Variants in NLRP13 observed in about 807,000 individuals in gnomAD.
NLRP13 encodes the protein NACHT, LRR and PYD domains-containing protein 13.
Under a neutral mutation model 94.4 loss-of-function variants are expected in NLRP13, and 82 were observed. That is an observed-to-expected ratio of 0.87 (90% CI 0.73 to 1.04). The LOEUF (loss-of-function observed/expected upper bound fraction) is 1.04. Among genes scored for constraint, NLRP13 ranks in the 50% least tolerant of loss-of-function variants. The probability of loss-of-function intolerance (pLI) is 0.00; values close to 1 mark genes in which losing one functional copy is unlikely to be tolerated. For synonymous variants in NLRP13, 553 were observed against 464.7 expected (o/e 1.19, Z -2.45); for missense variants, 1,426 against 1,230.8 (o/e 1.16, Z -2.37).
intron 4 of NLRP13, among the ~76,000 whole-genome samples, chr19:55,917,859 G>C (rs1986711051): frequency 6.6e-6 from 1 of 152,002 alleles, no homozygotes; most frequent in South Asian, 2.1e-4. Flanking sequence ...AGATCATCAA[G>C]ACAGAAAATC....
chr19:55,903,131 T>C (rs1267403316), intron 8 of NLRP13, among the ~76,000 whole-genome samples: 1 of 152,080 alleles, frequency 6.6e-6, no homozygotes, highest in Admixed American at 6.6e-5. Context: ...AGGGTTGTAA[T>C]ACTAATTATA....
chr19:55,895,915 T>C (rs773744534), downstream of NLRP13: 9 of 1,607,106 alleles, frequency 5.6e-6, no homozygotes, highest in East Asian at 2.0e-4. Context: ...TGTCCCTGTA[T>C]GTTCTCCCCT....
At chr19:55,893,325 G>A (rs757130505), downstream of NLRP13, among the ~76,000 whole-genome samples, 3 of 151,762 alleles carry the variant, frequency 2.0e-5, no homozygotes, top group Admixed American at 2.0e-4. Context: ...GAGGCGGAGG[G>A]TGCGGTGAGC....
intron 4 of NLRP13, among the ~76,000 whole-genome samples, chr19:55,914,393 T>A (rs1986627327): frequency 6.6e-6 from 1 of 152,126 alleles, no homozygotes; most frequent in Non-Finnish European, 1.5e-5. Flanking sequence ...TTTTTAGAAC[T>A]CCAGGTTTTA....
intron 7 of NLRP13, among the ~76,000 whole-genome samples, chr19:55,906,796 T>C (rs1986366263): frequency 6.6e-6 from 1 of 151,938 alleles, no homozygotes; most frequent in Admixed American, 6.6e-5. Flanking sequence ...TTCTCCCTCT[T>C]CCCCATCCCT....
downstream of NLRP13, among the ~76,000 whole-genome samples, chr19:55,894,680 T>C (rs575956919): frequency 4.4e-4 from 67 of 152,344 alleles, no homozygotes; most frequent in Admixed American, 3.7e-3. Context: ...ATTGCTTTTA[T>C]GTCTCAGACC....
chr19:55,921,620 C>T (rs537039169), intron 4 of NLRP13, among the ~76,000 whole-genome samples: 1 of 152,084 alleles, frequency 6.6e-6, no homozygotes, highest in Non-Finnish European at 1.5e-5. Context: ...ATAAATATTA[C>T]CTGTTATGAT....
chr19:55,910,851 TG>T, intron 5 of NLRP13, 118 bp from the exon 6 acceptor site: 1 of 947,886 alleles, frequency 1.1e-6, no homozygotes, highest in Non-Finnish European at 1.5e-6. Flanking sequence ...TTTCCTAATG[TG>T]GCTGGGTGCA....
chr19:55,898,257 T>A (rs1337609501), intron 10 of NLRP13, among the ~76,000 whole-genome samples: 1 of 146,582 alleles, frequency 6.8e-6, no homozygotes, highest in African/African-American at 2.5e-5. Context: ...TCTCCCAGGC[T>A]GGAGTGCAAT....
chr19:55,916,407 A>G (rs1986675548), intron 4 of NLRP13, among the ~76,000 whole-genome samples: 1 of 152,230 alleles, frequency 6.6e-6, no homozygotes, highest in Admixed American at 6.5e-5. Context: ...TAAATAATTT[A>G]AAATATTGAT....
chr19:55,904,304 G>A (rs1456570394), intron 8 of NLRP13, among the ~76,000 whole-genome samples: 1 of 152,036 alleles, frequency 6.6e-6, no homozygotes, highest in African/African-American at 2.4e-5. Context: ...GGTCAGGCTG[G>A]TCTCAAAATT....
At chr19:55,918,277 C>A (rs1206447555) in intron 4 of NLRP13, among the ~76,000 whole-genome samples, 3 of 142,936 alleles carry the variant, frequency 2.1e-5, no homozygotes, top group Non-Finnish European at 4.5e-5. Context: ...AAGTTTATAG[C>A]ATTAAATGCT....
At chr19:55,930,898 A>ATATATGTATATATATATATGT in intron 1 of NLRP13, among the ~76,000 whole-genome samples, 1 of 104,896 alleles carries the variant, frequency 9.5e-6, no homozygotes, top group Admixed American at 1.1e-4. Flanking sequence ...ATATATATAT[A>ATATATGTATATATATATATGT]AAATTTTAAC....
At chr19:55,921,188 G>C (rs1046282152) in intron 4 of NLRP13, among the ~76,000 whole-genome samples, 1 of 152,098 alleles carries the variant, frequency 6.6e-6, no homozygotes, top group Non-Finnish European at 1.5e-5. Context: ...TCAGGTGATG[G>C]CTCCACCAAA....
intron 1 of NLRP13, among the ~76,000 whole-genome samples, chr19:55,931,639 G>A (rs1400264223): frequency 2.7e-5 from 4 of 149,242 alleles, no homozygotes; most frequent in Admixed American, 2.0e-4. Context: ...AACCTGGGAG[G>A]CAGAGGTTAC....
chr19:55,920,835 A>G (rs1568444421), intron 4 of NLRP13, among the ~76,000 whole-genome samples: 1 of 152,182 alleles, frequency 6.6e-6, no homozygotes, highest in Non-Finnish European at 1.5e-5. Context: ...AGTAGCAAAG[A>G]TACGCAATCA....
intron 3 of NLRP13, 99 bp downstream of exon 3, chr19:55,924,491 A>G: frequency 1.2e-6 from 1 of 844,962 alleles, no homozygotes. Context: ...TTTATGTACC[A>G]TAAATTCAAG....
At chr19:55,899,035 C>T (rs1402631805) in intron 9 of NLRP13, 98 bp from the exon 10 acceptor site, 14 of 1,304,420 alleles carry the variant, frequency 1.1e-5, no homozygotes, top group Middle Eastern at 2.0e-4. Context: ...AAAGGAGACA[C>T]CCTGAAGCCA....
In NLRP13 at chr19:55,898,811, C is replaced by T; in HGVS notation, c.2916G>A (p.Leu972=). 1 of 1,613,496 alleles carries T rather than the reference C, an allele frequency of 6.2e-7. No individual in the cohort carries two copies. The change falls in exon 10 of 11, where the codon CTG becomes CTA. Residue 972 remains leucine, a synonymous_variant. Transcript: ENST00000342929. ...CACGATGTGGTTTCAGAGCCTCACA[C>T]AGTAGCTTCACTCCATCATCCTGAA... ...NDLQDDGVKL[L]CEALKPHRAL... is the part of the protein sequence containing the mutation.
Sources: allele counts gnomAD v4.1 joint callset (sites outside exome capture counted in the v4.1 genomes callset), GRCh38; gene constraint gnomAD v4.1.1; transcripts MANE v1.5; gene names NCBI Gene and HGNC (gene_info 2026-07-23, HGNC 2026-07-21).